NAALADL2: variants seen among roughly 807,000 people sequenced by gnomAD.
The protein encoded by NAALADL2 is inactive N-acetylated-alpha-linked acidic dipeptidase-like protein 2.
NAALADL2 carries 76 observed loss-of-function variants against 87.2 expected under a neutral mutation model. That is an observed-to-expected ratio of 0.87 (90% CI 0.72 to 1.05). The LOEUF is 1.05. Ranked by LOEUF, NAALADL2 falls within the 50% of genes least tolerant of loss-of-function variation. NAALADL2 has a pLI of 0.00. For missense variants in NAALADL2, 1,089 were observed against 945.8 expected, an observed-to-expected ratio of 1.15 and a Z score of -1.99; for synonymous variants, 354 against 331.0, an observed-to-expected ratio of 1.07 and a Z score of -0.75.
At chr3:175,635,626 T>C (rs1728421373) in intron 11 of NAALADL2, among the ~76,000 whole-genome samples, 1 of 152,164 alleles carries the variant, frequency 6.6e-6, no homozygotes, top group Non-Finnish European at 1.5e-5. Context: ...ACATTTTTGG[T>C]GATAGTTGAG....
At chr3:175,423,872 A>G (rs1024917998) in intron 5 of NAALADL2, among the ~76,000 whole-genome samples, 5 of 152,204 alleles carry the variant, frequency 3.3e-5, no homozygotes, top group African/African-American at 1.2e-4. Context: ...ACTAGTTTAC[A>G]GTCCCACCAA....
intron 2 of NAALADL2, among the ~76,000 whole-genome samples, chr3:174,620,935 A>G (rs1253003759): frequency 2.0e-5 from 3 of 152,124 alleles, no homozygotes; most frequent in Non-Finnish European, 4.4e-5. Context: ...TAGGCTATCA[A>G]TCTTATATTT....
rs548824576 is a variant in NAALADL2, at chr3:175,280,615, C to T, written c.939+24085C>T. On this transcript the variant is annotated intron_variant, in intron 4 of 13. Coordinates refer to ENST00000454872, the MANE Select transcript of NAALADL2 (RefSeq NM_207015.3). ...ACCACTGAATAATTATGATCACTTG[C>T]TTCGGAATCTTCCTATGAGATGGAA... is the stretch of plus-strand genomic sequence containing the variant. 7.2e-5 allele frequency among the ~76,000 whole-genome samples: 11 copies of T among 152,186 alleles called. No homozygotes were observed. In the South Asian group the frequency reaches 8.3e-4, roughly 11 times the overall value.
intron 3 of NAALADL2, among the ~76,000 whole-genome samples, chr3:174,801,608 A>G (rs1718840177): frequency 6.6e-6 from 1 of 152,146 alleles, no homozygotes; most frequent in Admixed American, 6.6e-5. Context: ...TGTTTTATTC[A>G]TAGGTGATAT....
intron 2 of NAALADL2, among the ~76,000 whole-genome samples, chr3:175,142,296 G>A (rs750846192): frequency 2.6e-4 from 40 of 151,840 alleles, no homozygotes; most frequent in Admixed American, 5.3e-4. Context: ...GATTAATTTC[G>A]TTTATAATTA....
At chr3:175,463,208 T>G (rs922168280) in intron 6 of NAALADL2, among the ~76,000 whole-genome samples, 193 bp from the exon 7 acceptor site, 1 of 152,188 alleles carries the variant, frequency 6.6e-6, no homozygotes, top group Admixed American at 6.5e-5. Context: ...CATCACTGCG[T>G]AACAAACACC....
intron 1 of NAALADL2, among the ~76,000 whole-genome samples, chr3:174,878,223 C>T (rs1212588266): frequency 6.6e-6 from 1 of 152,084 alleles, no homozygotes; most frequent in African/African-American, 2.4e-5. Flanking sequence ...TATGATTAGA[C>T]ACAACGTTTA....
intron 1 of NAALADL2, among the ~76,000 whole-genome samples, chr3:175,026,168 A>G (rs1344162242): frequency 3.9e-5 from 6 of 152,128 alleles, no homozygotes; most frequent in Admixed American, 3.9e-4. Context: ...ATCCTTCTGT[A>G]CTAAAGAAGT....
intron 3 of NAALADL2, among the ~76,000 whole-genome samples, chr3:174,787,273 G>A (rs1716785171): frequency 6.6e-6 from 1 of 151,582 alleles, no homozygotes; most frequent in Non-Finnish European, 1.5e-5. Context: ...CACTGAAAGT[G>A]TAATGAAAAC....
chr3:175,027,595 C>T (rs1580096702), intron 1 of NAALADL2, among the ~76,000 whole-genome samples: 2 of 152,198 alleles, frequency 1.3e-5, no homozygotes, highest in East Asian at 3.9e-4. Context: ...AGCATTCAAT[C>T]AGCTCTTCCC....
intron 1 of NAALADL2, among the ~76,000 whole-genome samples, chr3:174,994,817 GA>G: frequency 6.6e-6 from 1 of 152,062 alleles, no homozygotes; most frequent in East Asian, 1.9e-4. Flanking sequence ...ATTTTTCAAA[GA>G]ATTAGATTTG....
intron 9 of NAALADL2, among the ~76,000 whole-genome samples, chr3:175,478,125 A>G (rs761488309): frequency 5.9e-5 from 9 of 151,858 alleles, no homozygotes; most frequent in Non-Finnish European, 1.3e-4. Context: ...TTTTGTTTAT[A>G]TATTTTTGTT....
chr3:175,417,349 A>C (rs1222236808), intron 5 of NAALADL2, among the ~76,000 whole-genome samples: 3 of 152,008 alleles, frequency 2.0e-5, no homozygotes, highest in Non-Finnish European at 4.4e-5. Context: ...TTAATTCAAT[A>C]ATAATCCTGG....
At chr3:175,732,337 A>G (rs1388063857) in intron 11 of NAALADL2, among the ~76,000 whole-genome samples, 1 of 152,192 alleles carries the variant, frequency 6.6e-6, no homozygotes, top group Non-Finnish European at 1.5e-5. Context: ...TTTTCTGTAA[A>G]GCAGAGAGAG....
chr3:175,581,425 G>A (rs776496194), intron 10 of NAALADL2, among the ~76,000 whole-genome samples: 45 of 152,184 alleles, frequency 3.0e-4, no homozygotes, highest in Non-Finnish European at 6.6e-4. Flanking sequence ...CTGGGGGACA[G>A]CGTGAGACTC....
At position 174,602,533 on chromosome 3, in the gene NAALADL2, A is replaced by G. The variant is rs147279711; in HGVS notation, c.-115+51896A>G. On this transcript the variant is annotated intron_variant, in intron 2 of 3. Transcript: ENST00000434257. ...CTTGTGGAGTCTGTAGGTTTTTCCAAATATAGGATAATATAATTTGAAAAT... is the reference window on the plus strand; with the variant it reads ...CTTGTGGAGTCTGTAGGTTTTTCCAGATATAGGATAATATAATTTGAAAAT... Among the ~76,000 whole-genome samples, 58 of 151,050 alleles carry G rather than the reference A, an allele frequency of 3.8e-4. No individual in the cohort carries two copies. The East Asian group carries it at 9.1e-3, about 24-fold the overall frequency.
intron 6 of NAALADL2, among the ~76,000 whole-genome samples, chr3:175,457,993 T>G (rs1286716006): frequency 1.3e-5 from 2 of 152,152 alleles, no homozygotes; most frequent in Admixed American, 1.3e-4. Flanking sequence ...TATTTGTATC[T>G]TAATACTCAA....
chr3:174,677,292 C>A (rs1257974976), intron 2 of NAALADL2, among the ~76,000 whole-genome samples: 2 of 151,974 alleles, frequency 1.3e-5, no homozygotes, highest in Non-Finnish European at 2.9e-5. Context: ...TTAAAGTCCT[C>A]TCCTGGGACT....
chr3:175,669,255 G>A (rs1733613898), intron 11 of NAALADL2, among the ~76,000 whole-genome samples: 2 of 152,030 alleles, frequency 1.3e-5, no homozygotes. Flanking sequence ...GATGACTTTT[G>A]AGTTTGAAGT....
Sources: gnomAD v4.1 joint callset for allele counts (sites outside exome capture counted in the v4.1 genomes callset) on GRCh38, gnomAD v4.1.1 for gene constraint, MANE v1.5 for transcripts, NCBI Gene and HGNC (gene_info 2026-07-23, HGNC 2026-07-21) for gene names.